Variants in PLCG2 observed in about 807,000 individuals in gnomAD.
PLCG2 encodes the protein 1-phosphatidylinositol 4,5-bisphosphate phosphodiesterase gamma-2.
Under a neutral mutation model 175.6 loss-of-function variants are expected in PLCG2, and 69 were observed. The observed-to-expected ratio is 0.39, with a 90% CI of 0.32 to 0.48. The LOEUF (loss-of-function observed/expected upper bound fraction) is 0.48. Among genes scored for constraint, PLCG2 ranks in the 20% least tolerant of loss-of-function variants. The pLI, the probability that PLCG2 is intolerant of heterozygous loss-of-function variation, is 0.91. For synonymous variants in PLCG2, 827 were observed against 624.0 expected (o/e 1.33, Z -4.85); for missense variants, 1,798 against 1,650.9 (o/e 1.09, Z -1.54).
chr16:81,795,703 T>A (rs188343051), intron 2 of PLCG2, among the ~76,000 whole-genome samples: 192 of 152,134 alleles, frequency 1.3e-3, no homozygotes, highest in Non-Finnish European at 1.7e-3. Flanking sequence ...CACCTGCTTT[T>A]TTTTTTTCTC....
At chr16:81,857,401 C>T (rs1293500311) in intron 3 of PLCG2, among the ~76,000 whole-genome samples, 1 of 152,188 alleles carries the variant, frequency 6.6e-6, no homozygotes, top group Non-Finnish European at 1.5e-5. Flanking sequence ...AATCCTGTAT[C>T]TTCCACTGTC....
chr16:81,949,165 A>G (rs1332523868), intron 31 of PLCG2, among the ~76,000 whole-genome samples: 1 of 152,214 alleles, frequency 6.6e-6, no homozygotes, highest in Admixed American at 6.5e-5. Context: ...GACAGATGCC[A>G]AGGACCTAAT....
chr16:81,879,243 C>A (rs1240990984), intron 7 of PLCG2, among the ~76,000 whole-genome samples: 1 of 152,130 alleles, frequency 6.6e-6, no homozygotes, highest in Non-Finnish European at 1.5e-5. Context: ...GTGTTCTAGC[C>A]CCTGATGCCT....
At chr16:81,797,875 G>C (rs1174432923) in intron 2 of PLCG2, among the ~76,000 whole-genome samples, 2 of 150,778 alleles carry the variant, frequency 1.3e-5, no homozygotes, top group East Asian at 3.9e-4. Context: ...TCTGTCCCCA[G>C]GCTGAAGTGC....
At position 81,907,772 on chromosome 16, in the gene PLCG2, C is replaced by A. The variant is rs777330343; in HGVS notation, c.1555C>A (p.Gln519Lys). 1.9e-6 allele frequency: 3 copies of A among 1,612,078 alleles called. No homozygotes were observed. Reference protein sequence around the residue: ...IEQTMEEEVPQDIPPTELHFG... With the variant: ...IEQTMEEEVPKDIPPTELHFG... ...ACAGACTATGGAGGAGGAAGTGCCCCAGGTAGGGGGACACCCTAGCCACAT... is the reference window on the plus strand; with the variant it reads ...ACAGACTATGGAGGAGGAAGTGCCCAAGGTAGGGGGACACCCTAGCCACAT... Residue 519 changes from glutamine to lysine, a missense_variant and splice_region_variant, in exon 16 of 33, where the codon CAG (glutamine) becomes AAG (lysine). By Grantham distance (53) the Gln-to-Lys change is moderately conservative. Coordinates refer to ENST00000564138, the MANE Select transcript of PLCG2 (RefSeq NM_002661.5).
At chr16:81,888,807 G>T (rs1170209513) in intron 9 of PLCG2, among the ~76,000 whole-genome samples, 1 of 152,196 alleles carries the variant, frequency 6.6e-6, no homozygotes, top group Admixed American at 6.5e-5. Context: ...ATGACCTATG[G>T]ACCAAATATA....
chr16:81,859,726 C>T (rs769180672), intron 5 of PLCG2, among the ~76,000 whole-genome samples: 1 of 152,040 alleles, frequency 6.6e-6, no homozygotes, highest in Middle Eastern at 3.2e-3. Flanking sequence ...TTAGTAGAGA[C>T]AGGGTTTCAC....
intron 25 of PLCG2, among the ~76,000 whole-genome samples, chr16:81,933,372 T>A (rs977613244): frequency 6.6e-6 from 1 of 152,168 alleles, no homozygotes; most frequent in African/African-American, 2.4e-5. Context: ...AAACTCTTTG[T>A]CACTGCCAGG....
At chr16:81,906,834 T>C (rs1162771779) in intron 15 of PLCG2, among the ~76,000 whole-genome samples, 1 of 152,158 alleles carries the variant, frequency 6.6e-6, no homozygotes, top group Non-Finnish European at 1.5e-5. Flanking sequence ...GGTCAGGAGA[T>C]CGAGACCATC....
chr16:81,806,762 T>C (rs1326542055), intron 2 of PLCG2, among the ~76,000 whole-genome samples: 2 of 151,774 alleles, frequency 1.3e-5, no homozygotes, highest in Admixed American at 6.6e-5. Flanking sequence ...AGCAAAGGCT[T>C]GGAAAAGTTG....
intron 3 of PLCG2, among the ~76,000 whole-genome samples, chr16:81,856,734 C>T (rs946993448): frequency 9.2e-5 from 14 of 152,146 alleles, no homozygotes; most frequent in Non-Finnish European, 1.5e-5. Flanking sequence ...GTCCTAATCC[C>T]GGGAACTTGT....
In PLCG2 at chr16:81,784,891, T is replaced by C. The variant is rs567884930; in HGVS notation, c.-47-1052T>C. Among the ~76,000 whole-genome samples, 5 of 152,102 alleles carry C rather than the reference T, an allele frequency of 3.3e-5. No homozygotes were observed. The South Asian group carries it at 8.3e-4, about 25-fold the overall frequency. The stretch of plus-strand genomic sequence containing the variant: ...AGTCCTATTTTGGGGGCAGGCAATG[T>C]GTTTCTGGGGATTTGGGAGGCAGAA... On this transcript the variant is annotated intron_variant, in intron 1 of 32. Transcript: ENST00000564138.
intron 1 of PLCG2, among the ~76,000 whole-genome samples, chr16:81,781,296 A>G (rs1453738405): frequency 6.6e-6 from 1 of 152,202 alleles, no homozygotes; most frequent in Non-Finnish European, 1.5e-5. Context: ...AAATCTTTCC[A>G]GATCAAATTG....
chr16:81,881,522 C>T (rs1044367641), intron 8 of PLCG2, among the ~76,000 whole-genome samples: 1 of 152,192 alleles, frequency 6.6e-6, no homozygotes, highest in Non-Finnish European at 1.5e-5. Context: ...GAAATGTTGG[C>T]CCTGGAGTTA....
intron 2 of PLCG2, among the ~76,000 whole-genome samples, chr16:81,797,565 C>A (rs989731278): frequency 1.3e-5 from 2 of 152,238 alleles, no homozygotes; most frequent in African/African-American, 4.8e-5. Context: ...GACTTCCCAG[C>A]ACCTGGCCCA....
intron 1 of PLCG2, among the ~76,000 whole-genome samples, chr16:81,783,632 C>G (rs779860322): frequency 1.3e-5 from 2 of 152,118 alleles, no homozygotes; most frequent in African/African-American, 2.4e-5. Context: ...TTTCCGCTGC[C>G]GTATTTCCCA....
intron 2 of PLCG2, among the ~76,000 whole-genome samples, chr16:81,756,928 G>C (rs1199774339): frequency 6.6e-6 from 1 of 152,162 alleles, no homozygotes; most frequent in African/African-American, 2.4e-5. Context: ...CTCTACGCCT[G>C]TTTTTAGAAA....
Position 81,859,238 on chromosome 16 carries a change from T to G in PLCG2, c.479+75T>G, listed in dbSNP as rs1906839610. On this transcript the variant is annotated intron_variant, in intron 5 of 32. Coordinates refer to ENST00000564138, the MANE Select transcript of PLCG2 (RefSeq NM_002661.5). ...TCTATCTTTAAACCTTCCAAGGGGGTGGGAGCATGACTTGTCGGGAGCAAG... is the reference window on the plus strand; with the variant it reads ...TCTATCTTTAAACCTTCCAAGGGGGGGGGAGCATGACTTGTCGGGAGCAAG... The G allele has an allele frequency of 1.1e-5, 11 of 974,414 alleles. No homozygotes were observed. The Admixed American group carries it at 1.9e-4, about 17-fold the overall frequency. The allele number at this position is 974,414 out of a possible 1,614,324, so 60.4% of individuals were successfully genotyped here. A position where few individuals can be genotyped will look rare whatever the true frequency, so the allele number is the denominator to read the frequency against.
At chr16:81,947,546 G>A (rs1911198858) in intron 31 of PLCG2, among the ~76,000 whole-genome samples, 1 of 152,156 alleles carries the variant, frequency 6.6e-6, no homozygotes, top group Non-Finnish European at 1.5e-5. Flanking sequence ...GGAAGCCAGG[G>A]AGAAACTCTG....
Sources: allele counts gnomAD v4.1 joint callset (sites outside exome capture counted in the v4.1 genomes callset), GRCh38; gene constraint gnomAD v4.1.1; transcripts MANE v1.5; gene names NCBI Gene and HGNC (gene_info 2026-07-23, HGNC 2026-07-21).